The following CATSPERT variants were observed in gnomAD, a reference collection of about 807,000 sequenced individuals.
The protein encoded by CATSPERT is catsper channel auxiliary subunit tau.
chr2:201,563,342 A>ACGGGGCGG, the CATSPERT span, among the ~76,000 whole-genome samples: 1 of 119,494 alleles, frequency 8.4e-6, no homozygotes, highest in Admixed American at 8.7e-5. Context: ...TCCCTCCCGG[A>ACGGGGCGG]CTGGGCGGCT....
chr2:201,487,721 T>C, the CATSPERT span: 1 of 1,614,204 alleles, frequency 6.2e-7, no homozygotes, highest in Non-Finnish European at 8.5e-7. Flanking sequence ...ACTTGTAAAC[T>C]TTCCACTGTA....
chr2:201,488,016 G>T, the CATSPERT span: 1 of 821,204 alleles, frequency 1.2e-6, no homozygotes, highest in Non-Finnish European at 1.8e-6. Flanking sequence ...AACAAACAAG[G>T]ACTAAAGTTT....
At chr2:201,545,553 A>G in the CATSPERT span, 1 of 1,512,050 alleles carries the variant, frequency 6.6e-7, no homozygotes, top group South Asian at 1.4e-5. Context: ...CTACTCCTAC[A>G]ATATTTTCAA....
chr2:201,619,133 C>CTCCATCTT, the CATSPERT span: 1 of 1,614,008 alleles, frequency 6.2e-7, no homozygotes. Flanking sequence ...GGCTCCATCT[C>CTCCATCTT]TCCATCTTCT....
chr2:201,496,260 T>G, the CATSPERT span, among the ~76,000 whole-genome samples: 99 of 152,212 alleles, frequency 6.5e-4, no homozygotes, highest in East Asian at 0.016. Context: ...TCAGAAGAAA[T>G]GTAATCTGAT....
the CATSPERT span, among the ~76,000 whole-genome samples, chr2:201,571,315 C>A: frequency 6.6e-6 from 1 of 152,178 alleles, no homozygotes; most frequent in African/African-American, 2.4e-5. Context: ...ACACCTAATT[C>A]CCTCAATCCC....
the CATSPERT span, among the ~76,000 whole-genome samples, chr2:201,581,593 TACACATAC>T: frequency 5.9e-4 from 18 of 30,762 alleles, no homozygotes; most frequent in African/African-American, 1.6e-3. Context: ...TATATATATA[TACACATAC>T]ATATTCTGGA....
the CATSPERT span, among the ~76,000 whole-genome samples, chr2:201,543,107 C>G: frequency 6.6e-6 from 1 of 152,144 alleles, no homozygotes; most frequent in African/African-American, 2.4e-5. Flanking sequence ...GCTGAAAAGA[C>G]TATTCTTTCC....
the CATSPERT span, among the ~76,000 whole-genome samples, chr2:201,617,805 T>C: frequency 1.3e-5 from 2 of 151,836 alleles, no homozygotes; most frequent in African/African-American, 4.8e-5. Context: ...TTGCAATCTA[T>C]CCATCTGACA....
At chr2:201,601,273 AGT>A in the CATSPERT span, among the ~76,000 whole-genome samples, 7,625 of 41,782 alleles carry the variant, frequency 0.18, 256 homozygotes, top group Admixed American at 0.24. Context: ...TAAGGATGAT[AGT>A]GTGTGTGTGT....
At chr2:201,512,130 T>G in the CATSPERT span, among the ~76,000 whole-genome samples, 1 of 152,166 alleles carries the variant, frequency 6.6e-6, no homozygotes, top group Non-Finnish European at 1.5e-5. Flanking sequence ...TTTTATATGT[T>G]GGGTATGGCT....
chr2:201,593,676 T>C, the CATSPERT span, among the ~76,000 whole-genome samples: 4 of 150,818 alleles, frequency 2.7e-5, no homozygotes, highest in Admixed American at 2.0e-4. Context: ...ATTGGGTGCA[T>C]ATATATTTAG....
the CATSPERT span, among the ~76,000 whole-genome samples, chr2:201,591,425 T>A: frequency 6.6e-6 from 1 of 152,220 alleles, no homozygotes; most frequent in Non-Finnish European, 1.5e-5. Context: ...GTGTGATGCC[T>A]CCAGCTTTGT....
the CATSPERT span, among the ~76,000 whole-genome samples, chr2:201,617,715 A>G: frequency 6.6e-6 from 1 of 152,256 alleles, no homozygotes; most frequent in African/African-American, 2.4e-5. Flanking sequence ...AATGGGATCT[A>G]GTTAAACTAA....
chr2:201,532,212 A>G, the CATSPERT span, among the ~76,000 whole-genome samples: 1 of 152,220 alleles, frequency 6.6e-6, no homozygotes, highest in African/African-American at 2.4e-5. Context: ...ATAAGAATAT[A>G]AACTCCACAA....
chr2:201,554,217 A>G, the CATSPERT span: 2 of 152,166 alleles, frequency 1.3e-5, no homozygotes, highest in Non-Finnish European at 2.9e-5. Context: ...TACTATCACT[A>G]TTCTAGGAAG....
chr2:201,555,264 C>G, the CATSPERT span: 1 of 152,356 alleles, frequency 6.6e-6, no homozygotes, highest in Non-Finnish European at 1.5e-5. Context: ...CCTGTAATCC[C>G]AGCACTTTGG....
chr2:201,487,551 G>A, the CATSPERT span: 1 of 1,427,034 alleles, frequency 7.0e-7, no homozygotes, highest in Non-Finnish European at 9.6e-7. Context: ...TCTGACTGCT[G>A]GCCTCACATA....
At chr2:201,490,885 G>A in the CATSPERT span, among the ~76,000 whole-genome samples, 8 of 152,006 alleles carry the variant, frequency 5.3e-5, no homozygotes, top group South Asian at 4.1e-4. Flanking sequence ...CACCATGCCC[G>A]GCTAATGTTT....
Sources: gnomAD v4.1 joint callset for allele counts (sites outside exome capture counted in the v4.1 genomes callset) on GRCh38, gnomAD v4.1.1 for gene constraint, MANE v1.5 for transcripts, NCBI Gene and HGNC (gene_info 2026-07-23, HGNC 2026-07-21) for gene names.